Variants in KIF13A observed in about 807,000 individuals in gnomAD.
KIF13A encodes kinesin-like protein KIF13A.
KIF13A carries 79 observed loss-of-function variants against 212.2 expected under a neutral mutation model. The observed-to-expected ratio is 0.37, with a 90% confidence interval of 0.31 to 0.45. The LOEUF (loss-of-function observed/expected upper bound fraction) is 0.45. Among genes scored for constraint, KIF13A ranks in the 20% least tolerant of loss-of-function variants. KIF13A has a pLI of 1.00. For synonymous variants in KIF13A, 789 were observed against 808.6 expected (o/e 0.98, Z 0.41); for missense variants, 1,901 against 2,209.0 (o/e 0.86, Z 2.79).
In KIF13A at chr6:17,883,393, GAACT is replaced by G. The variant is rs1297221404; in HGVS notation, c.160-9960_160-9957del. Reference sequence around the variant, plus strand: ...AAAAAAAATAAGGCAACTTCCTGGTGAACTAACTACCTCTTAATCAATCATGTAA... The same window carrying G: ...AAAAAAAATAAGGCAACTTCCTGGTGAACTACCTCTTAATCAATCATGTAA... On this transcript the variant is annotated intron_variant, in intron 3 of 38. Coordinates refer to ENST00000259711, the MANE Select transcript of KIF13A (RefSeq NM_022113.6). This position sits in a 1 kb window ranked among gnomAD's most constrained non-coding sequence, Gnocchi z 4.8. Among the ~76,000 whole-genome samples the G allele has an allele frequency of 3.3e-5, 5 of 152,044 alleles. No individual in the cohort carries two copies. The highest frequency in any genetic ancestry group is 7.4e-5 in the Non-Finnish European group (5 of 68,000).
intron 2 of KIF13A, among the ~76,000 whole-genome samples, chr6:17,973,529 T>C (rs1231659818): frequency 6.6e-6 from 1 of 152,202 alleles, no homozygotes; most frequent in Non-Finnish European, 1.5e-5. Flanking sequence ...TAAAATGCAA[T>C]GTATTTCAGC....
intron 4 of KIF13A, among the ~76,000 whole-genome samples, chr6:17,868,743 C>T (rs1260103483): frequency 6.6e-6 from 1 of 151,730 alleles, no homozygotes; most frequent in Non-Finnish European, 1.5e-5. Context: ...TCGCTCATGC[C>T]TGTAATCTCA....
chr6:17,800,783 T>C (rs1300873143), intron 20 of KIF13A, among the ~76,000 whole-genome samples: 1 of 151,986 alleles, frequency 6.6e-6, no homozygotes, highest in African/African-American at 2.4e-5. Flanking sequence ...GTATTTTTAG[T>C]AGAGACGGGG....
Position 17,887,942 on chromosome 6 carries a change from G to C in KIF13A, c.159+10226C>G, listed in dbSNP as rs188517721. On this transcript the variant is annotated intron_variant, in intron 3 of 38. Transcript: ENST00000259711. ...GCTGGTCTCGAACTCCTGACCTCAG[G>C]TGATCCGTCTGCCTCAGCCTCCCAA... Among the ~76,000 whole-genome samples, 643 of 151,646 alleles carry C rather than the reference G, an allele frequency of 4.2e-3. 4 individuals carry two copies. The highest frequency in any genetic ancestry group is 0.015 in the African/African-American group (602 of 41,284).
At chr6:17,798,911 C>T (rs1762259758) in intron 22 of KIF13A, among the ~76,000 whole-genome samples, 1 of 152,160 alleles carries the variant, frequency 6.6e-6, no homozygotes, top group African/African-American at 2.4e-5. Flanking sequence ...TATGATCCCA[C>T]TTTTGCATAG....
chr6:17,762,706 A>G (rs1001812947), downstream of KIF13A, among the ~76,000 whole-genome samples: 22 of 152,222 alleles, frequency 1.4e-4, 2 homozygotes, highest in Non-Finnish European at 7.3e-5. Context: ...AGGTAAAGAA[A>G]GTTGAAGACC....
rs769503676 is a variant in KIF13A, at chr6:17,799,420, G to C, written c.2636C>G (p.Thr879Arg). 2 of 1,564,908 alleles carry C rather than the reference G, an allele frequency of 1.3e-6. No homozygotes were observed. The highest frequency in any genetic ancestry group is 1.2e-5 in the South Asian group (1 of 84,930). ...LTCRVKIKEA[T>R]GLPLNLSNFV... ...ATTTGAGAGGTTTAAGGGCAGCCCCGTTGCTTCTTTAATTTTTACCTGAAG... is the reference window on the plus strand; with the variant it reads ...ATTTGAGAGGTTTAAGGGCAGCCCCCTTGCTTCTTTAATTTTTACCTGAAG... The change falls in exon 22 of 39, where the codon ACG (threonine) becomes AGG (arginine). Residue 879 changes from threonine to arginine, a missense_variant. Thr to Arg is a moderately conservative substitution (Grantham distance 71). This residue lies in a region of KIF13A where 534 missense variants were observed against 536.9 expected (regional missense o/e 0.99). Coordinates refer to ENST00000259711, the MANE Select transcript of KIF13A (RefSeq NM_022113.6). The surrounding 1 kb of genome is among the most constrained non-coding windows in gnomAD (Gnocchi z 4.4).
At position 17,826,270 on chromosome 6, in the gene KIF13A, A is replaced by C; in HGVS notation, c.1533-146T>G. ...AGAAGGAAGAGCAGAATGTGTAACC[A>C]CTATGAAAACACACAATCTAAGCCA... On this transcript the variant is annotated intron_variant, in intron 14 of 38. Transcript: ENST00000259711. This position sits in a 1 kb window ranked among gnomAD's most constrained non-coding sequence, Gnocchi z 4.7. The C allele has an allele frequency of 1.6e-6, 1 of 638,458 alleles. No individual in the cohort carries two copies. Among genetic ancestry groups the C allele is most frequent in the South Asian group, 1.9e-5 (1 of 52,166 alleles). The allele number at this position is 638,458 out of a possible 1,614,324, so 39.5% of individuals were successfully genotyped here.
intron 30 of KIF13A, 105 bp downstream of exon 30, chr6:17,781,071 TC>T: frequency 1.4e-6 from 2 of 1,459,958 alleles, no homozygotes; most frequent in Non-Finnish European, 1.9e-6. Flanking sequence ...TTTTTTAAAG[TC>T]CCCGGTCTTT....
In KIF13A at chr6:17,773,509, TA is replaced by T. The variant is rs779758923; in HGVS notation, c.4292del (p.Leu1431TyrfsTer21). 2.5e-6 allele frequency: 4 copies of T among 1,609,960 alleles called. No individual in the cohort carries two copies. Among genetic ancestry groups the T allele is most frequent in the Non-Finnish European group, 2.5e-6 (3 of 1,176,648 alleles). On this transcript the variant is annotated frameshift_variant, in exon 36 of 39. Coordinates refer to ENST00000259711, the MANE Select transcript of KIF13A (RefSeq NM_022113.6). LOFTEE classifies it high-confidence loss of function. This position sits in a 1 kb window ranked among gnomAD's most constrained non-coding sequence, Gnocchi z 4.2. ...TATTCCTTCGAGGAGAATCCCTGGG[TA>T]AAGTTCCATAACATGCTACATCTTG... ...SYQDVACYGT[L>X]PRDSPRRNKE...
Position 17,843,715 on chromosome 6 carries a change from C to T in KIF13A, c.830+5662G>A, listed in dbSNP as rs1766740897. ...ACGTCATTGTCAGTGTAGCTGGTTT[C>T]TGTTGCTTAGAGCAGAATGCAATCC... On this transcript the variant is annotated intron_variant, in intron 9 of 38. Coordinates refer to ENST00000259711, the MANE Select transcript of KIF13A (RefSeq NM_022113.6). This position sits in a 1 kb window ranked among gnomAD's most constrained non-coding sequence, Gnocchi z 5.3. 6.6e-6 allele frequency among the ~76,000 whole-genome samples: 1 copy of T among 152,134 alleles called. No homozygotes were observed. The highest frequency in any genetic ancestry group is 6.5e-5 in the Admixed American group (1 of 15,280).
In KIF13A at chr6:17,918,092, C is replaced by A. The variant is rs1774710817; in HGVS notation, c.147-19912G>T. Among the ~76,000 whole-genome samples the A allele has an allele frequency of 6.6e-6, 1 of 152,034 alleles. No homozygotes were observed. The highest frequency in any genetic ancestry group is 6.6e-5 in the Admixed American group (1 of 15,254). On this transcript the variant is annotated intron_variant, in intron 2 of 38. Coordinates refer to ENST00000259711, the MANE Select transcript of KIF13A (RefSeq NM_022113.6). This position sits in a 1 kb window ranked among gnomAD's most constrained non-coding sequence, Gnocchi z 4.8. ...TGTCTGTCTTGTCCCCTTTACAGAG[C>A]TGCACCAACAGGATGCCTAGGTCTG...
chr6:17,778,806 G>T, intron 33 of KIF13A, 141 bp downstream of exon 33: 2 of 882,624 alleles, frequency 2.3e-6, no homozygotes, highest in Non-Finnish European at 3.6e-6. Context: ...TTACTATTTT[G>T]CCAGAGTCCT....
rs201272106 is a variant in KIF13A at position 17,779,740 on chromosome 6, G to GTTT, written c.3847-57_3847-56insAAA. 2.4e-3 allele frequency: 1,165 copies of GTTT among 476,432 alleles called. 14 individuals are homozygous for GTTT. Among genetic ancestry groups the GTTT allele is most frequent in the Middle Eastern group, 4.1e-3 (6 of 1,446 alleles). The allele number at this position is 476,432 out of a possible 1,614,324, so 29.5% of individuals were successfully genotyped here. ...CTATGTGACAAATGTAAGTTATTTTGTATTTTTTTTTTTTTTTTTGAGATG... is the reference window on the plus strand; with the variant it reads ...CTATGTGACAAATGTAAGTTATTTTGTTTTATTTTTTTTTTTTTTTTTGAGATG... On this transcript the variant is annotated intron_variant, in intron 31 of 38. Coordinates refer to ENST00000259711, the MANE Select transcript of KIF13A (RefSeq NM_022113.6).
Position 17,783,661 on chromosome 6 carries a change from A to G in KIF13A, c.3529T>C (p.Phe1177Leu). ...PGMETHIPVL[F>L]LDLNADDLSA... ...GTCTACTTACCATTCAAATCGAGGA[A>G]GAGAACTGGTATGTGGGTTTCCATT... Residue 1177 changes from phenylalanine to leucine, a missense_variant, in exon 29 of 39, where the codon TTC becomes CTC. Transcript: ENST00000259711. This position sits in a 1 kb window ranked among gnomAD's most constrained non-coding sequence, Gnocchi z 4.3. 1 of 1,579,848 alleles carries G rather than the reference A, an allele frequency of 6.3e-7. No individual in the cohort carries two copies. Among genetic ancestry groups the G allele is most frequent in the Non-Finnish European group, 8.6e-7 (1 of 1,158,722 alleles).
chr6:17,974,962 G>A (rs975275349), intron 2 of KIF13A, among the ~76,000 whole-genome samples: 2 of 152,212 alleles, frequency 1.3e-5, no homozygotes, highest in Admixed American at 6.5e-5. Context: ...ATCTCAGGAA[G>A]TTCTATTGGA....
intron 16 of KIF13A, among the ~76,000 whole-genome samples, chr6:17,821,359 A>T (rs1390479190): frequency 6.6e-6 from 1 of 152,180 alleles, no homozygotes; most frequent in Non-Finnish European, 1.5e-5. Context: ...AATCTTACCT[A>T]TTACTGGGAT....
intron 2 of KIF13A, among the ~76,000 whole-genome samples, chr6:17,935,329 G>A (rs1776363483): frequency 6.6e-6 from 1 of 152,132 alleles, no homozygotes; most frequent in Admixed American, 6.5e-5. Flanking sequence ...GGATCAGAGA[G>A]GAAAATTCAG....
At position 17,970,415 on chromosome 6, in the gene KIF13A, C is replaced by G. The variant is rs192000865; in HGVS notation, c.146+16639G>C. On this transcript the variant is annotated intron_variant, in intron 2 of 38. Transcript: ENST00000259711. ...GCCAGGAGTTTGAGACTAGCCTGGT[C>G]AACATGGTGAAACCCTGTCTCTACT... Among the ~76,000 whole-genome samples the G allele has an allele frequency of 8.2e-3, 1,242 of 151,890 alleles. 10 individuals carry two copies. The highest frequency in any genetic ancestry group is 0.024 in the Middle Eastern group (7 of 294).
Sources: allele counts gnomAD v4.1 joint callset (sites outside exome capture counted in the v4.1 genomes callset), GRCh38; gene constraint gnomAD v4.1.1; regional missense constraint gnomAD v4.1.1; non-coding constraint Gnocchi (gnomAD v3.1); transcripts MANE v1.5; gene names NCBI Gene and HGNC (gene_info 2026-07-23, HGNC 2026-07-21).